CDH13: variants seen among roughly 807,000 people sequenced by gnomAD.
CDH13 encodes cadherin-13.
CDH13 carries 24 observed loss-of-function variants against 63.8 expected under a neutral mutation model. The ratio of observed to expected loss-of-function variants is 0.38; its 90% confidence interval spans 0.27 to 0.53. The LOEUF is 0.53. CDH13 is among the 20% of genes least tolerant of loss of function. The probability of loss-of-function intolerance (pLI) is 0.85; values close to 1 mark genes in which losing one functional copy is unlikely to be tolerated. For missense variants in CDH13, 1,049 were observed against 903.1 expected, an observed-to-expected ratio of 1.16 and a Z score of -2.07; for synonymous variants, 503 against 355.3, an observed-to-expected ratio of 1.42 and a Z score of -4.67.
chr16:83,141,163 C>T (rs189682833), intron 4 of CDH13, among the ~76,000 whole-genome samples: 9 of 152,236 alleles, frequency 5.9e-5, no homozygotes, highest in East Asian at 1.9e-4. Flanking sequence ...ATATTAAAGC[C>T]GGAGGGGCTC....
At chr16:83,366,078 A>C (rs1223349831) in intron 6 of CDH13, among the ~76,000 whole-genome samples, 1 of 152,246 alleles carries the variant, frequency 6.6e-6, no homozygotes, top group African/African-American at 2.4e-5. Context: ...ATAGAAAACT[A>C]ATACAGAATG....
chr16:83,786,033 T>C (rs988958282), intron 13 of CDH13, among the ~76,000 whole-genome samples: 2 of 152,132 alleles, frequency 1.3e-5, no homozygotes, highest in African/African-American at 4.8e-5. Context: ...TTGCTACCGA[T>C]GGTGCCAGAA....
intron 6 of CDH13, among the ~76,000 whole-genome samples, chr16:83,359,203 C>G (rs1203359099): frequency 6.6e-6 from 1 of 152,108 alleles, no homozygotes; most frequent in Admixed American, 6.6e-5. Context: ...ATTCCCATCT[C>G]CAAAAGATCT....
intron 8 of CDH13, among the ~76,000 whole-genome samples, chr16:83,649,120 C>T (rs1323118686): frequency 2.0e-5 from 3 of 152,224 alleles, no homozygotes; most frequent in Non-Finnish European, 4.4e-5. Context: ...CTCCTCGCCC[C>T]CCATTCCCCT....
At chr16:83,041,706 A>G (rs1248886214) in intron 3 of CDH13, among the ~76,000 whole-genome samples, 1 of 152,174 alleles carries the variant, frequency 6.6e-6, no homozygotes, top group East Asian at 1.9e-4. Flanking sequence ...AGGTACCTGA[A>G]ATGACCAAAA....
rs563951135 is a variant in CDH13 at position 83,187,113 on chromosome 16, G to T, written c.484-30232G>T. On this transcript the variant is annotated intron_variant, in intron 4 of 13. Transcript: ENST00000567109. ...AGCCTCCTGAGTAGCTGGGACTACAGTTGCCTGCCACCACACACAACTAAT... is the reference window on the plus strand; with the variant it reads ...AGCCTCCTGAGTAGCTGGGACTACATTTGCCTGCCACCACACACAACTAAT... Among the ~76,000 whole-genome samples, 13 of 152,218 alleles carry T rather than the reference G, an allele frequency of 8.5e-5. 1 individual carries two copies. The highest frequency in any genetic ancestry group is 6.8e-3 in the Middle Eastern group (2 of 294).
At chr16:82,831,554 A>G (rs2038541256) in intron 1 of CDH13, among the ~76,000 whole-genome samples, 1 of 152,162 alleles carries the variant, frequency 6.6e-6, no homozygotes, top group Non-Finnish European at 1.5e-5. Flanking sequence ...CCTGACAATA[A>G]AGGGGCTGAG....
chr16:83,626,682 C>T (rs1157445082), intron 8 of CDH13, among the ~76,000 whole-genome samples: 3 of 152,030 alleles, frequency 2.0e-5, no homozygotes, highest in Admixed American at 1.3e-4. Context: ...CTCTCTTTCT[C>T]GGAGGATGAC....
intron 2 of CDH13, among the ~76,000 whole-genome samples, chr16:82,986,899 G>C (rs965798013): frequency 3.9e-5 from 6 of 152,168 alleles, no homozygotes; most frequent in Non-Finnish European, 7.4e-5. Flanking sequence ...AGTTGTGTAG[G>C]ACAGACTCAC....
intron 6 of CDH13, among the ~76,000 whole-genome samples, chr16:83,472,333 G>A (rs377265805): frequency 3.3e-5 from 5 of 152,316 alleles, no homozygotes; most frequent in Admixed American, 6.5e-5. Context: ...ACGGTGCCCT[G>A]TGGTTGCAAC....
At chr16:83,243,535 G>A (rs745555674) in intron 5 of CDH13, among the ~76,000 whole-genome samples, 3 of 152,068 alleles carry the variant, frequency 2.0e-5, no homozygotes, top group Non-Finnish European at 4.4e-5. Flanking sequence ...ATGAGATTTG[G>A]GTGGGGACAC....
At chr16:82,830,872 T>C (rs559243543) in intron 1 of CDH13, among the ~76,000 whole-genome samples, 1 of 152,352 alleles carries the variant, frequency 6.6e-6, no homozygotes, top group Non-Finnish European at 1.5e-5. Context: ...TGTGACAAGA[T>C]ATAGAATAAG....
At position 83,345,131 on chromosome 16, in the gene CDH13, A is replaced by G. The variant is rs933870411; in HGVS notation, c.781+125A>G. The G allele has an allele frequency of 1.4e-5, 15 of 1,095,246 alleles. No homozygotes were observed. In the African/African-American group the frequency reaches 2.3e-4, roughly 17 times the overall value. 67.8% of individuals were successfully genotyped at this position (1,095,246 alleles called of 1,614,324 possible). A position where few individuals can be genotyped will look rare whatever the true frequency, so the allele number is the denominator to read the frequency against. On this transcript the variant is annotated intron_variant, in intron 6 of 13. Coordinates refer to ENST00000567109, the MANE Select transcript of CDH13 (RefSeq NM_001257.5). Reference sequence around the variant, plus strand: ...CAGCTCGTATCAGCGTCGACTTAATACTTCCCTGCGTAGAAGCCAGGTTGG... The same window carrying G: ...CAGCTCGTATCAGCGTCGACTTAATGCTTCCCTGCGTAGAAGCCAGGTTGG...
chr16:83,664,625 C>G (rs1913763553), intron 8 of CDH13, among the ~76,000 whole-genome samples: 2 of 151,728 alleles, frequency 1.3e-5, no homozygotes, highest in Non-Finnish European at 2.9e-5. Context: ...ACGTTTTCTT[C>G]TAAGAACTTT....
In CDH13 at chr16:82,944,825, A is replaced by G. The variant is rs78817301; in HGVS notation, c.157+86352A>G. Among the ~76,000 whole-genome samples the G allele has an allele frequency of 3.6e-3, 548 of 152,332 alleles. 7 individuals carry two copies. Among genetic ancestry groups the G allele is most frequent in the African/African-American group, 0.013 (527 of 41,568 alleles). ...GAGACTGATACATTTGTACCTATCTATCTATTTACAACTTCTCCATTCCCT... is the reference window on the plus strand; with the variant it reads ...GAGACTGATACATTTGTACCTATCTGTCTATTTACAACTTCTCCATTCCCT... On this transcript the variant is annotated intron_variant, in intron 2 of 13. Transcript: ENST00000567109.
intron 4 of CDH13, among the ~76,000 whole-genome samples, chr16:83,190,563 A>G (rs940231108): frequency 6.6e-5 from 10 of 152,160 alleles, no homozygotes; most frequent in Non-Finnish European, 1.0e-4. Flanking sequence ...GATGAATAAC[A>G]CATTGACTCT....
intron 1 of CDH13, among the ~76,000 whole-genome samples, chr16:82,849,549 G>C (rs1339149679): frequency 6.6e-6 from 1 of 152,154 alleles, no homozygotes; most frequent in African/African-American, 2.4e-5. Context: ...AGGAAGTGCT[G>C]ATATAGAAGC....
chr16:83,721,945 C>T (rs999508265), intron 10 of CDH13: 4 of 152,260 alleles, frequency 2.6e-5, no homozygotes, highest in African/African-American at 9.7e-5. Flanking sequence ...TGAGGAAGTA[C>T]AGGCTGCACC....
At chr16:82,653,859 A>G (rs750872422) in intron 1 of CDH13, among the ~76,000 whole-genome samples, 5 of 152,132 alleles carry the variant, frequency 3.3e-5, no homozygotes, top group Non-Finnish European at 7.3e-5. Context: ...GGAGAAGAAG[A>G]CTGAAGACCA....
Sources: allele counts gnomAD v4.1 joint callset (sites outside exome capture counted in the v4.1 genomes callset), GRCh38; gene constraint gnomAD v4.1.1; transcripts MANE v1.5; gene names NCBI Gene and HGNC (gene_info 2026-07-23, HGNC 2026-07-21).